MOK: variants seen among roughly 807,000 people sequenced by gnomAD.
MOK encodes MAPK/MAK/MRK overlapping kinase.
A neutral mutation model predicts 54.2 loss-of-function variants in MOK; 59 were observed. That is an observed-to-expected ratio of 1.09 (90% CI 0.88 to 1.35). The LOEUF (loss-of-function observed/expected upper bound fraction) is 1.35, where lower values mean the gene tolerates loss of function less well. Ranked by LOEUF, MOK falls within the 40% of genes most tolerant of loss-of-function variation. The pLI is 0.00. For missense variants in MOK, 517 were observed against 526.2 expected (o/e 0.98, Z 0.17); for synonymous variants, 210 against 202.7 (o/e 1.04, Z -0.31).
chr14:102,293,809 A>G (rs933568718), intron 1 of MOK, among the ~76,000 whole-genome samples: 54 of 152,134 alleles, frequency 3.5e-4, no homozygotes, highest in African/African-American at 1.1e-3. Context: ...AAGGTGATTT[A>G]AATTTTCTTC....
chr14:102,216,063 C>T, the MOK span, among the ~76,000 whole-genome samples: 18 of 152,158 alleles, frequency 1.2e-4, no homozygotes, highest in East Asian at 9.6e-4. Context: ...TGTTGGCAGC[C>T]GGCTGAGCCC....
At chr14:102,304,214 G>T (rs571732978) in intron 1 of MOK, among the ~76,000 whole-genome samples, 3 of 152,164 alleles carry the variant, frequency 2.0e-5, no homozygotes, top group Middle Eastern at 3.4e-3. Flanking sequence ...CACAGCAAAG[G>T]TCTGAATTTT....
intron 2 of MOK, among the ~76,000 whole-genome samples, chr14:102,271,795 G>C (rs2068390103): frequency 6.6e-6 from 1 of 152,216 alleles, no homozygotes; most frequent in Non-Finnish European, 1.5e-5. Context: ...CTGGCCTCAA[G>C]TGATCCACCC....
chr14:102,260,919 G>C (rs1011950436), intron 4 of MOK, among the ~76,000 whole-genome samples: 5 of 151,488 alleles, frequency 3.3e-5, no homozygotes. Context: ...CAAGGAGATT[G>C]AGACCATCCT....
intron 1 of MOK, among the ~76,000 whole-genome samples, chr14:102,293,168 A>G (rs1300912654): frequency 1.3e-5 from 2 of 152,208 alleles, no homozygotes; most frequent in Non-Finnish European, 2.9e-5. Flanking sequence ...AAAAAACTTC[A>G]TAAACAAAGA....
chr14:102,267,555 G>C lies in MOK; in HGVS notation c.123-1643C>G, dbSNP rs193296470. On this transcript the variant is annotated intron_variant, in intron 2 of 11. Coordinates refer to ENST00000361847, the MANE Select transcript of MOK (RefSeq NM_014226.3). ...CACTCCAGCCTGGGCAACAGAGTGA[G>C]ACTCCATCTCAAAAAATAAATAAAT... 2.0e-3 allele frequency among the ~76,000 whole-genome samples: 301 copies of C among 152,200 alleles called. 2 individuals carry two copies. The highest frequency in any genetic ancestry group is 2.8e-3 in the Non-Finnish European group (190 of 68,010).
At position 102,232,526 on chromosome 14, in the gene MOK, A is replaced by G. The variant is rs760176029; in HGVS notation, c.866+9T>C. ...GCATCTGCCCCACCGAACCCACGAG[A>G]GTGCCTACCTCTGTTCTTGGAAGTA... On this transcript the variant is annotated intron_variant, in intron 9 of 11. Transcript: ENST00000361847. This position sits in a 1 kb window ranked among gnomAD's most constrained non-coding sequence, Gnocchi z 5.1. The G allele has an allele frequency of 9.3e-6, 15 of 1,608,838 alleles. No individual in the cohort carries two copies. The highest frequency in any genetic ancestry group is 1.3e-5 in the Non-Finnish European group (15 of 1,176,286).
At position 102,230,959 on chromosome 14, in the gene MOK, C is replaced by T. The variant is rs2064640992; in HGVS notation, c.981+748G>A. ...AGGAGCCTGGCTTTCTGGAGAGCAG[C>T]CTGACTGCAGCTCTGGGTTCCCAGC... On this transcript the variant is annotated intron_variant, in intron 10 of 11. Coordinates refer to ENST00000361847, the MANE Select transcript of MOK (RefSeq NM_014226.3). This position sits in a 1 kb window ranked among gnomAD's most constrained non-coding sequence, Gnocchi z 4.1. The T allele has an allele frequency of 6.6e-6, 1 of 152,290 alleles. No homozygotes were observed. The highest frequency in any genetic ancestry group is 1.5e-5 in the Non-Finnish European group (1 of 68,102). 9.4% of individuals were successfully genotyped at this position (152,290 alleles called of 1,614,324 possible). A position where few individuals can be genotyped will look rare whatever the true frequency, so the allele number is the denominator to read the frequency against.
chr14:102,237,362 T>C lies in MOK; in HGVS notation c.591-3573A>G, dbSNP rs79668413. ...TCCGAAGCTCAACTTTCCACCTCCATAGTAACTTACCTAGGAGTTCAACTT... is the reference window on the plus strand; with the variant it reads ...TCCGAAGCTCAACTTTCCACCTCCACAGTAACTTACCTAGGAGTTCAACTT... On this transcript the variant is annotated intron_variant, in intron 7 of 11. Coordinates refer to ENST00000361847, the MANE Select transcript of MOK (RefSeq NM_014226.3). 4.6e-3 allele frequency among the ~76,000 whole-genome samples: 703 copies of C among 152,294 alleles called. 6 individuals carry two copies. Among genetic ancestry groups the C allele is most frequent in the African/African-American group, 0.016 (652 of 41,566 alleles).
In MOK at chr14:102,231,841, A is replaced by C. The variant is rs955284522; in HGVS notation, c.867-20T>G. The C allele has an allele frequency of 1.2e-6, 2 of 1,603,986 alleles. No individual in the cohort carries two copies. The highest frequency in any genetic ancestry group is 1.7e-6 in the Non-Finnish European group (2 of 1,172,048). On this transcript the variant is annotated intron_variant, in intron 9 of 11. Coordinates refer to ENST00000361847, the MANE Select transcript of MOK (RefSeq NM_014226.3). The surrounding 1 kb of genome is among the most constrained non-coding windows in gnomAD (Gnocchi z 4.4). ...GTTTTCCTACGGGGAAGGAGAAGAG[A>C]ATGGAGCAGCTCCACTGAGAGCCCG... is the stretch of plus-strand genomic sequence containing the variant.
chr14:102,237,337 T>C (rs1424900443), intron 7 of MOK, among the ~76,000 whole-genome samples: 1 of 152,164 alleles, frequency 6.6e-6, no homozygotes, highest in African/African-American at 2.4e-5. Flanking sequence ...AGTCTCCCCC[T>C]CCGAAGCTCA....
chr14:102,219,543 C>A (rs1195511942), downstream of MOK, among the ~76,000 whole-genome samples: 1 of 152,244 alleles, frequency 6.6e-6, no homozygotes, highest in Non-Finnish European at 1.5e-5. Context: ...GGAGGCCGGG[C>A]CCTTTGGGCC....
chr14:102,243,768 A>G (rs2065891158), intron 7 of MOK, among the ~76,000 whole-genome samples: 1 of 152,156 alleles, frequency 6.6e-6, no homozygotes, highest in Middle Eastern at 3.4e-3. Context: ...CCATTTCCCC[A>G]TATTTCCTTC....
intron 2 of MOK, among the ~76,000 whole-genome samples, chr14:102,281,498 CAAAAA>C (rs1184533713): frequency 2.1e-5 from 1 of 48,280 alleles, no homozygotes; most frequent in Admixed American, 2.2e-4. Context: ...GACCCTGACT[CAAAAA>C]AAAAAAAAAA....
chr14:102,253,893 T>A (rs932483046), intron 4 of MOK, among the ~76,000 whole-genome samples: 1 of 152,238 alleles, frequency 6.6e-6, no homozygotes, highest in Non-Finnish European at 1.5e-5. Flanking sequence ...CAATTTCTTT[T>A]GAAAAATTAA....
intron 7 of MOK, among the ~76,000 whole-genome samples, chr14:102,244,941 A>T (rs1393352397): frequency 6.6e-6 from 1 of 152,094 alleles, no homozygotes; most frequent in African/African-American, 2.4e-5. Flanking sequence ...CACCAAACTC[A>T]GCCTCCAACT....
At chr14:102,215,956 T>A in the MOK span, among the ~76,000 whole-genome samples, 65 of 152,306 alleles carry the variant, frequency 4.3e-4, no homozygotes, top group Non-Finnish European at 7.5e-4. Flanking sequence ...CGAGCTGGCC[T>A]CAGACACAGC....
In MOK at chr14:102,282,551, G is replaced by A. The variant is rs554530799; in HGVS notation, c.122+927C>T. Among the ~76,000 whole-genome samples the A allele has an allele frequency of 9.9e-5, 15 of 151,882 alleles. No individual in the cohort carries two copies. The South Asian group carries it at 1.9e-3, about 19-fold the overall frequency. ...GGAGTTCAAGACCAGCACGGGCAAC[G>A]TGGTGAAGCCCCGTCTCTATAAAAA... On this transcript the variant is annotated intron_variant, in intron 2 of 11. Transcript: ENST00000361847.
At chr14:102,257,888 A>G (rs2067095945) in intron 4 of MOK, among the ~76,000 whole-genome samples, 1 of 151,872 alleles carries the variant, frequency 6.6e-6, no homozygotes, top group South Asian at 2.1e-4. Context: ...GAGGCAGGAG[A>G]ATTGCTTGAA....
Sources: allele counts gnomAD v4.1 joint callset (sites outside exome capture counted in the v4.1 genomes callset), GRCh38; gene constraint gnomAD v4.1.1; non-coding constraint Gnocchi (gnomAD v3.1); transcripts MANE v1.5; gene names NCBI Gene and HGNC (gene_info 2026-07-23, HGNC 2026-07-21).